NRG3: variants seen among roughly 807,000 people sequenced by gnomAD.
NRG3 encodes neuregulin 3.
In NRG3, 31 loss-of-function variants were observed where a neutral mutation model predicts 66.9. The ratio of observed to expected loss-of-function variants is 0.46; its 90% CI spans 0.35 to 0.63. The LOEUF (loss-of-function observed/expected upper bound fraction) is 0.63, where lower values mean the gene tolerates loss of function less well. Among genes scored for constraint, NRG3 ranks in the 20% least tolerant of loss-of-function variants. The pLI is 0.00. For missense variants in NRG3, 910 were observed against 878.9 expected (o/e 1.04, Z -0.45); for synonymous variants, 393 against 359.4 (o/e 1.09, Z -1.06).
intron 1 of NRG3, among the ~76,000 whole-genome samples, chr10:82,106,252 T>C (rs1479892724): frequency 6.6e-6 from 1 of 152,074 alleles, no homozygotes; most frequent in East Asian, 1.9e-4. Context: ...ATGAACCAGC[T>C]GTGGAAAGGG....
chr10:82,293,376 A>G (rs190674964), intron 1 of NRG3, among the ~76,000 whole-genome samples: 1 of 152,320 alleles, frequency 6.6e-6, no homozygotes, highest in East Asian at 1.9e-4. Context: ...ACTTATCTCT[A>G]GAGCAAGCCT....
rs1437666528 is a variant in NRG3 at position 81,875,696 on chromosome 10, G to A, written c.356G>A (p.Ser119Asn). 6.2e-7 allele frequency: 1 copy of A among 1,613,710 alleles called. No individual in the cohort carries two copies. Among genetic ancestry groups the A allele is most frequent in the Non-Finnish European group, 8.5e-7 (1 of 1,179,946 alleles). ...GACCCCTTCTTCCTCTCCAAGCCCAGCTCTTTCCCCAAGGCCATGGAGACC... is the reference window on the plus strand; with the variant it reads ...GACCCCTTCTTCCTCTCCAAGCCCAACTCTTTCCCCAAGGCCATGGAGACC... ...GQDPFFLSKP[S>N]SFPKAMETTT... Residue 119 changes from serine (S) to asparagine (N), a missense_variant, in exon 1 of 9, where the codon AGC becomes AAC. Ser to Asn is a conservative substitution (Grantham distance 46, BLOSUM62 1). Coordinates refer to ENST00000372141, the MANE Select transcript of NRG3 (RefSeq NM_001010848.4). The surrounding 1 kb of genome is among the most constrained non-coding windows in gnomAD (Gnocchi z 5.3).
intron 2 of NRG3, among the ~76,000 whole-genome samples, chr10:82,372,081 C>G (rs554153414): frequency 2.4e-4 from 36 of 152,132 alleles, no homozygotes; most frequent in Admixed American, 5.2e-4. Context: ...GAAGCCAGGA[C>G]GGGCTTCAGA....
intron 3 of NRG3, among the ~76,000 whole-genome samples, chr10:82,781,061 A>T (rs1239656672): frequency 1.3e-5 from 2 of 152,184 alleles, no homozygotes; most frequent in Non-Finnish European, 2.9e-5. Context: ...CCCATGCTGT[A>T]TCTCTTTGTG....
intron 2 of NRG3, among the ~76,000 whole-genome samples, chr10:82,444,239 A>G (rs1019452291): frequency 6.6e-6 from 1 of 152,080 alleles, no homozygotes; most frequent in Non-Finnish European, 1.5e-5. Flanking sequence ...AGTAGCAGGG[A>G]TTACAGGTTC....
chr10:82,829,067 G>T (rs2062387431), intron 3 of NRG3, among the ~76,000 whole-genome samples: 1 of 152,092 alleles, frequency 6.6e-6, no homozygotes, highest in African/African-American at 2.4e-5. Context: ...GCAGTTCTAG[G>T]TTCTAAGCAT....
chr10:82,508,092 AT>A (rs1844845575), intron 2 of NRG3, among the ~76,000 whole-genome samples: 1 of 152,230 alleles, frequency 6.6e-6, no homozygotes, highest in Non-Finnish European at 1.5e-5. Flanking sequence ...TTGTATGTGC[AT>A]TTAGTAGTCT....
At chr10:82,071,426 G>A (rs1222689293) in intron 1 of NRG3, among the ~76,000 whole-genome samples, 21 of 152,226 alleles carry the variant, frequency 1.4e-4, no homozygotes, top group East Asian at 3.9e-4. Context: ...TTCAAAACTC[G>A]CCTGATATGA....
At chr10:82,306,372 A>G (rs2080724408) in intron 1 of NRG3, among the ~76,000 whole-genome samples, 1 of 152,130 alleles carries the variant, frequency 6.6e-6, no homozygotes, top group African/African-American at 2.4e-5. Flanking sequence ...TTTATAGTCT[A>G]ACACTGTTTG....
At chr10:82,824,629 G>C (rs977290437) in intron 3 of NRG3, among the ~76,000 whole-genome samples, 1 of 151,766 alleles carries the variant, frequency 6.6e-6, no homozygotes, top group African/African-American at 2.4e-5. Flanking sequence ...TAGTAATATT[G>C]AGCATCTTCT....
At chr10:81,992,164 G>A (rs371048849) in intron 1 of NRG3, among the ~76,000 whole-genome samples, 2 of 152,098 alleles carry the variant, frequency 1.3e-5, no homozygotes, top group South Asian at 4.2e-4. Context: ...TGTGAACAAT[G>A]TAGCTGTTCC....
intron 1 of NRG3, among the ~76,000 whole-genome samples, chr10:82,102,124 A>ATGTGTATTCATATATATATATATATG (rs2066780506): frequency 1.1e-4 from 1 of 9,160 alleles, no homozygotes; most frequent in South Asian, 6.5e-3. Flanking sequence ...ATATATATAT[A>ATGTGTATTCATATATATATATATATG]TGTGTATTCA....
intron 2 of NRG3, among the ~76,000 whole-genome samples, chr10:82,526,126 G>A (rs1000965915): frequency 3.3e-5 from 5 of 151,860 alleles, no homozygotes; most frequent in African/African-American, 9.7e-5. Context: ...TACTTTCTGG[G>A]TGTTAGAATA....
At chr10:82,507,004 T>C (rs1844740608) in intron 2 of NRG3, among the ~76,000 whole-genome samples, 1 of 152,214 alleles carries the variant, frequency 6.6e-6, no homozygotes, top group Non-Finnish European at 1.5e-5. Flanking sequence ...TAAGATATGC[T>C]GTAAGGACTG....
chr10:81,989,896 A>G (rs887659179), intron 1 of NRG3, among the ~76,000 whole-genome samples: 2 of 152,148 alleles, frequency 1.3e-5, no homozygotes, highest in African/African-American at 4.8e-5. Flanking sequence ...TGGAAAAAAA[A>G]TCTGTCCAGA....
intron 1 of NRG3, among the ~76,000 whole-genome samples, chr10:82,293,199 T>C (rs1256205475): frequency 2.0e-5 from 3 of 152,170 alleles, no homozygotes; most frequent in Non-Finnish European, 2.9e-5. Flanking sequence ...ATGGTCTACG[T>C]TGAGTTCAAT....
chr10:82,969,377 C>T (rs926728885), intron 6 of NRG3, among the ~76,000 whole-genome samples: 2 of 152,316 alleles, frequency 1.3e-5, no homozygotes, highest in South Asian at 4.1e-4. Flanking sequence ...ATTCATCTGA[C>T]TTTTTCCATG....
chr10:82,010,532 A>G (rs1255734425), intron 1 of NRG3, among the ~76,000 whole-genome samples: 1 of 152,082 alleles, frequency 6.6e-6, no homozygotes, highest in African/African-American at 2.4e-5. Flanking sequence ...ACAGTCTGCT[A>G]CTCCATCCTC....
At chr10:82,849,134 C>T (rs2063445680) in intron 3 of NRG3, among the ~76,000 whole-genome samples, 1 of 152,074 alleles carries the variant, frequency 6.6e-6, no homozygotes, top group South Asian at 2.1e-4. Flanking sequence ...TAACTGATAT[C>T]CTTATCAAAA....
Sources: allele counts gnomAD v4.1 joint callset (sites outside exome capture counted in the v4.1 genomes callset), GRCh38; gene constraint gnomAD v4.1.1; non-coding constraint Gnocchi (gnomAD v3.1); transcripts MANE v1.5; gene names NCBI Gene and HGNC (gene_info 2026-07-23, HGNC 2026-07-21).